KCNIP2: variants seen among roughly 807,000 people sequenced by gnomAD.
The protein encoded by KCNIP2 is potassium voltage-gated channel interacting protein 2.
KCNIP2 carries 19 observed loss-of-function variants against 39.0 expected under a neutral mutation model. The observed-to-expected ratio is 0.49, with a 90% CI of 0.34 to 0.71. KCNIP2 has a LOEUF of 0.71. KCNIP2 is among the 30% of genes least tolerant of loss of function. KCNIP2 has a pLI of 0.01. For synonymous variants in KCNIP2, 111 were observed against 131.2 expected (o/e 0.85, Z 1.05); for missense variants, 261 against 346.0 (o/e 0.75, Z 1.95).
At position 101,828,807 on chromosome 10, in the gene KCNIP2, C is replaced by T; in HGVS notation, c.349-111G>A. 6.3e-7 allele frequency: 1 copy of T among 1,596,356 alleles called. No homozygotes were observed. Among genetic ancestry groups the T allele is most frequent in the Non-Finnish European group, 8.5e-7 (1 of 1,171,130 alleles). On this transcript the variant is annotated intron_variant, in intron 4 of 9. Transcript: ENST00000356640. The surrounding 1 kb of genome is among the most constrained non-coding windows in gnomAD (Gnocchi z 6.6). ...GGGAGGGGGATAATCTTCAAGCCTCCAGAGGACTCACCACGTGGCTCATGT... is the reference window on the plus strand; with the variant it reads ...GGGAGGGGGATAATCTTCAAGCCTCTAGAGGACTCACCACGTGGCTCATGT...
rs761953139 is a variant in KCNIP2 at position 101,828,031 on chromosome 10, C to G, written c.598-38G>C. 1.3e-6 allele frequency: 2 copies of G among 1,578,064 alleles called. No individual in the cohort carries two copies. Among genetic ancestry groups the G allele is most frequent in the African/African-American group, 2.7e-5 (2 of 74,180 alleles). ...GAGAGAAGAGGATCCTTCCTCAGAG[C>G]CTCCAGCCTCCCTTGATCCCTTGCT... On this transcript the variant is annotated intron_variant, in intron 7 of 9. Transcript: ENST00000356640. The surrounding 1 kb of genome is among the most constrained non-coding windows in gnomAD (Gnocchi z 6.6).
chr10:101,841,256 T>G (rs1467361890), intron 1 of KCNIP2, among the ~76,000 whole-genome samples: 1 of 152,160 alleles, frequency 6.6e-6, no homozygotes, highest in Non-Finnish European at 1.5e-5. Context: ...AGACGGGAGC[T>G]GCAGACTACC....
chr10:101,843,509 G>A lies in KCNIP2; in HGVS notation c.60C>T (p.Tyr20=), dbSNP rs769090822. ...LSDSRDLDGS[Y]DQLTGHPPGP... ...TCACTGACTCACCCGTGAGCTGGTC[G>A]TAGGAGCCGTCCAGGTCTCGGGAAT... is the stretch of plus-strand genomic sequence containing the variant. Residue 20 remains tyrosine, a synonymous_variant, in exon 1 of 10, where the codon TAC becomes TAT. Transcript: ENST00000356640. This position sits in a 1 kb window ranked among gnomAD's most constrained non-coding sequence, Gnocchi z 6.7. 1.3e-6 allele frequency: 2 copies of A among 1,578,744 alleles called. No homozygotes were observed. The highest frequency in any genetic ancestry group is 1.2e-5 in the South Asian group (1 of 85,972).
chr10:101,826,118 G>A lies in KCNIP2; in HGVS notation c.*1235C>T, dbSNP rs1005539159. 2.0e-5 allele frequency: 3 copies of A among 152,692 alleles called. No homozygotes were observed. The highest frequency in any genetic ancestry group is 6.5e-5 in the Admixed American group (1 of 15,280). The allele number at this position is 152,692 out of a possible 1,614,324, so 9.5% of individuals were successfully genotyped here. A position where few individuals can be genotyped will look rare whatever the true frequency, so the allele number is the denominator to read the frequency against. On this transcript the variant is annotated 3_prime_UTR_variant, in exon 10 of 10. Transcript: ENST00000356640. ...TCTCCCCTCAGATTCTGGCCAACTG[G>A]GAGGGTAAGCTAAATGGGACGAGCA...
intron 2 of KCNIP2, chr10:101,830,308 A>G: frequency 1.1e-6 from 1 of 928,484 alleles, no homozygotes; most frequent in Non-Finnish European, 1.4e-6. Flanking sequence ...CGTCTGGAGG[A>G]GGGCAGGCGC....
At position 101,830,751 on chromosome 10, in the gene KCNIP2, G is replaced by C. The variant is rs574747843; in HGVS notation, c.169+321C>G. Among the ~76,000 whole-genome samples the C allele has an allele frequency of 2.5e-3, 349 of 137,882 alleles. 2 individuals are homozygous for C. The highest frequency in any genetic ancestry group is 9.3e-3 in the Middle Eastern group (2 of 216). 90.5% of individuals were successfully genotyped at this position (137,882 alleles called of 152,430 possible). A position where few individuals can be genotyped will look rare whatever the true frequency, so the allele number is the denominator to read the frequency against. On this transcript the variant is annotated intron_variant, in intron 2 of 9. Transcript: ENST00000356640. ...GCACGCCCCTCCCCCACACGCAGGC[G>C]TGCGGCACGCCTCCCCATACACACA...
intron 1 of KCNIP2, 101 bp from the exon 2 acceptor site, chr10:101,831,268 G>C: frequency 2.2e-6 from 2 of 919,318 alleles, no homozygotes; most frequent in Middle Eastern, 2.2e-4. Flanking sequence ...TCTGGGGACC[G>C]GGCTGGGGGA....
chr10:101,839,293 G>A (rs1227282653), intron 1 of KCNIP2, among the ~76,000 whole-genome samples: 1 of 152,204 alleles, frequency 6.6e-6, no homozygotes, highest in Admixed American at 6.5e-5. Flanking sequence ...CTTGCTAGCT[G>A]AGTTCATGTT....
At position 101,843,310 on chromosome 10, in the gene KCNIP2, T is replaced by C. The variant is rs908694724; in HGVS notation, c.73+186A>G. Among the ~76,000 whole-genome samples, 1 of 152,122 alleles carries C rather than the reference T, an allele frequency of 6.6e-6. No homozygotes were observed. The highest frequency in any genetic ancestry group is 1.5e-5 in the Non-Finnish European group (1 of 67,998). On this transcript the variant is annotated intron_variant, in intron 1 of 9. Transcript: ENST00000356640. This position sits in a 1 kb window ranked among gnomAD's most constrained non-coding sequence, Gnocchi z 6.7. ...TGCCTCTCCACACCTGCCTCTTCTGTTCCTCCCCAACCCCTGCGGGACCCA... is the reference window on the plus strand; with the variant it reads ...TGCCTCTCCACACCTGCCTCTTCTGCTCCTCCCCAACCCCTGCGGGACCCA...
At chr10:101,832,856 G>A (rs1294293998) in intron 1 of KCNIP2, among the ~76,000 whole-genome samples, 1 of 152,030 alleles carries the variant, frequency 6.6e-6, no homozygotes, top group Admixed American at 6.6e-5. Flanking sequence ...GGGATTTCCA[G>A]ATGCCCTCTC....
In KCNIP2 at chr10:101,827,740, T is replaced by G. The variant is rs1564659710; in HGVS notation, c.714A>C (p.Arg238Ser). ...HVESFFQKMD[R>S]NKDGVVTIEE... is the part of the protein sequence containing the mutation. ...CAATGGTCACCACACCATCCTTGTT[T>G]CTGTCCATCTTCTGCAAGAAGGTGG... Residue 238 changes from arginine (R) to serine (S), a missense_variant, in exon 9 of 10, where the codon AGA (arginine) becomes AGC (serine). Physicochemically the swap from Arg to Ser is moderately radical, Grantham distance 110 (BLOSUM62 -1). Transcript: ENST00000356640. The G allele has an allele frequency of 6.2e-7, 1 of 1,613,358 alleles. No individual in the cohort carries two copies. Among genetic ancestry groups the G allele is most frequent in the Non-Finnish European group, 8.5e-7 (1 of 1,179,316 alleles).
In KCNIP2 at chr10:101,828,973, G is replaced by A; in HGVS notation, c.348+102C>T. The A allele has an allele frequency of 2.6e-6, 4 of 1,544,836 alleles. No individual in the cohort carries two copies. Among genetic ancestry groups the A allele is most frequent in the South Asian group, 2.5e-5 (2 of 80,716 alleles). On this transcript the variant is annotated intron_variant, in intron 4 of 9. Coordinates refer to ENST00000356640, the MANE Select transcript of KCNIP2 (RefSeq NM_173191.3). The surrounding 1 kb of genome is among the most constrained non-coding windows in gnomAD (Gnocchi z 6.6). ...AGTCTCAGGGCCTTGCCTCCCTTCC[G>A]CCCACACCTCAAGCATCCAAGCCAT...
chr10:101,835,619 TC>T (rs2066129866), intron 1 of KCNIP2, among the ~76,000 whole-genome samples: 1 of 151,728 alleles, frequency 6.6e-6, no homozygotes, highest in African/African-American at 2.4e-5. Context: ...CCAGCCAGCA[TC>T]CCCGGAGTCC....
Position 101,829,911 on chromosome 10 carries a change from A to G in KCNIP2, c.170-14T>C, listed in dbSNP as rs1324075266. On this transcript the variant is annotated splice_polypyrimidine_tract_variant and intron_variant, in intron 2 of 9. Transcript: ENST00000356640. ...GGGCGGCTAATGCTGAAGGGAGCGA[A>G]CTGTCACCGAGAAAGCGGAAGACCC... The G allele has an allele frequency of 1.3e-6, 2 of 1,537,924 alleles. No homozygotes were observed. Among genetic ancestry groups the G allele is most frequent in the Non-Finnish European group, 1.8e-6 (2 of 1,142,518 alleles).
At position 101,843,727 on chromosome 10, in the gene KCNIP2, T is replaced by C. The variant is rs528466443; in HGVS notation, c.-159A>G. 3 of 419,900 alleles carry C rather than the reference T, an allele frequency of 7.1e-6. No homozygotes were observed. Among genetic ancestry groups the C allele is most frequent in the Admixed American group, 4.4e-5 (1 of 22,760 alleles). 26.0% of individuals were successfully genotyped at this position (419,900 alleles called of 1,614,324 possible). A position where few individuals can be genotyped will look rare whatever the true frequency, so the allele number is the denominator to read the frequency against. On this transcript the variant is annotated 5_prime_UTR_variant, in exon 1 of 10. Coordinates refer to ENST00000356640, the MANE Select transcript of KCNIP2 (RefSeq NM_173191.3). This position sits in a 1 kb window ranked among gnomAD's most constrained non-coding sequence, Gnocchi z 6.7. The stretch of plus-strand genomic sequence containing the variant: ...GGGAATGGGCCCGGGGTCTGAGGTC[T>C]ACCCGGAGGTCCTGGAGCAGGAGAG...
chr10:101,828,526 C>T lies in KCNIP2; in HGVS notation c.419-67G>A. 1.3e-6 allele frequency: 2 copies of T among 1,597,098 alleles called. No individual in the cohort carries two copies. Among genetic ancestry groups the T allele is most frequent in the Non-Finnish European group, 1.7e-6 (2 of 1,165,992 alleles). On this transcript the variant is annotated intron_variant, in intron 5 of 9. Transcript: ENST00000356640. The surrounding 1 kb of genome is among the most constrained non-coding windows in gnomAD (Gnocchi z 6.6). ...GGACTTCCTCCCTCTAAGGAGCTCC[C>T]CATACCCCCCATCACCTTGGCATTC...
chr10:101,829,276 C>A (rs894989906), intron 3 of KCNIP2, 77 bp from the exon 4 acceptor site: 6 of 1,470,494 alleles, frequency 4.1e-6, no homozygotes, highest in Admixed American at 2.2e-5. Flanking sequence ...CCCATTCACC[C>A]CCTCCCCGCC....
intron 1 of KCNIP2, among the ~76,000 whole-genome samples, chr10:101,832,966 T>C (rs545221658): frequency 1.3e-5 from 2 of 152,296 alleles, no homozygotes; most frequent in East Asian, 3.9e-4. Flanking sequence ...TGTCCCAGTT[T>C]ATCTAGGTCC....
At chr10:101,830,990 G>A (rs1382453893) in intron 2 of KCNIP2, 82 bp downstream of exon 2, 1 of 1,249,976 alleles carries the variant, frequency 8.0e-7, no homozygotes, top group Admixed American at 1.9e-5. Context: ...TCGCAGGCCT[G>A]GGGCACACGC....
Sources: allele counts gnomAD v4.1 joint callset (sites outside exome capture counted in the v4.1 genomes callset), GRCh38; gene constraint gnomAD v4.1.1; non-coding constraint Gnocchi (gnomAD v3.1); transcripts MANE v1.5; gene names NCBI Gene and HGNC (gene_info 2026-07-23, HGNC 2026-07-21).